The following ASIC2 variants were observed in gnomAD, a reference collection of about 807,000 sequenced individuals.
ASIC2 encodes the protein acid-sensing ion channel 2.
A neutral mutation model predicts 57.3 loss-of-function variants in ASIC2; 25 were observed. The ratio of observed to expected loss-of-function variants is 0.44; its 90% CI spans 0.32 to 0.61. ASIC2 has a LOEUF of 0.61. Among genes scored for constraint, ASIC2 ranks in the 20% least tolerant of loss-of-function variants. The probability of loss-of-function intolerance (pLI) is 0.06; values close to 1 mark genes in which losing one functional copy is unlikely to be tolerated. For missense variants in ASIC2, 641 were observed against 738.1 expected (o/e 0.87, Z 1.52); for synonymous variants, 319 against 307.5 (o/e 1.04, Z -0.39).
intron 1 of ASIC2, among the ~76,000 whole-genome samples, chr17:34,051,184 T>A (rs1471152420): frequency 6.6e-6 from 1 of 152,214 alleles, no homozygotes; most frequent in Non-Finnish European, 1.5e-5. Flanking sequence ...AACTAATCCC[T>A]TTCTCAAACA....
chr17:33,569,296 G>C (rs181304249), intron 1 of ASIC2: 2 of 152,282 alleles, frequency 1.3e-5, no homozygotes, highest in African/African-American at 4.8e-5. Flanking sequence ...GTCCCCTGTC[G>C]TGTAGCCTTC....
At chr17:33,704,436 C>T (rs1012197389) in intron 1 of ASIC2, among the ~76,000 whole-genome samples, 3 of 152,212 alleles carry the variant, frequency 2.0e-5, no homozygotes, top group Admixed American at 6.5e-5. Flanking sequence ...CTCCCTAGTG[C>T]CAGTCTTTGC....
In ASIC2 at chr17:34,076,432, C is replaced by G. The variant is rs557975022; in HGVS notation, c.555+79546G>C. On this transcript the variant is annotated intron_variant, in intron 1 of 9. Coordinates refer to the ASIC2 transcript ENST00000359872. ...CTCTCCCTTCACTCTACTGTTTTTC[C>G]TTTCTCCAAGCTCATATCACTTTCT... is the stretch of plus-strand genomic sequence containing the variant. Among the ~76,000 whole-genome samples, 5 of 152,228 alleles carry G rather than the reference C, an allele frequency of 3.3e-5. No homozygotes were observed. The South Asian group carries it at 1.0e-3, about 32-fold the overall frequency.
intron 1 of ASIC2, among the ~76,000 whole-genome samples, chr17:34,140,491 C>T (rs962857099): frequency 3.3e-5 from 5 of 152,048 alleles, no homozygotes; most frequent in African/African-American, 1.2e-4. Flanking sequence ...TTCTAAATAG[C>T]ATTTCCTGTT....
At chr17:33,087,578 T>TG (rs2092139524) in intron 3 of ASIC2, among the ~76,000 whole-genome samples, 1 of 139,492 alleles carries the variant, frequency 7.2e-6, no homozygotes, top group South Asian at 2.2e-4. Flanking sequence ...AACCAGTGTT[T>TG]TTTTTTTTTT....
At chr17:33,979,346 G>C (rs1014877378) in intron 1 of ASIC2, among the ~76,000 whole-genome samples, 1 of 152,090 alleles carries the variant, frequency 6.6e-6, no homozygotes, top group Non-Finnish European at 1.5e-5. Context: ...GAGTCTCCCT[G>C]GGGCAGTTGC....
At chr17:33,759,222 T>C (rs1048393263) in intron 1 of ASIC2, among the ~76,000 whole-genome samples, 9 of 152,208 alleles carry the variant, frequency 5.9e-5, no homozygotes, top group Non-Finnish European at 1.0e-4. Context: ...TTGTTGTAAA[T>C]TGGCAAAGAG....
intron 1 of ASIC2, among the ~76,000 whole-genome samples, chr17:33,675,408 C>T (rs546648961): frequency 6.6e-6 from 1 of 152,246 alleles, no homozygotes; most frequent in East Asian, 1.9e-4. Context: ...GCCCCGTGAT[C>T]AGCTCCACAC....
At chr17:33,915,910 G>A (rs568614318) in intron 1 of ASIC2, among the ~76,000 whole-genome samples, 20 of 152,288 alleles carry the variant, frequency 1.3e-4, no homozygotes, top group South Asian at 2.1e-4. Flanking sequence ...CTGAGGCCCC[G>A]TGGGGACACT....
intron 1 of ASIC2, among the ~76,000 whole-genome samples, chr17:33,455,909 G>A (rs1050486765): frequency 9.2e-5 from 14 of 152,172 alleles, no homozygotes; most frequent in African/African-American, 1.2e-4. Flanking sequence ...GCAGGAGGGG[G>A]CTTTACAGGC....
intron 1 of ASIC2, among the ~76,000 whole-genome samples, chr17:33,660,372 C>T (rs941213132): frequency 1.3e-5 from 2 of 152,038 alleles, no homozygotes; most frequent in African/African-American, 2.4e-5. Flanking sequence ...CTTGTAGTAG[C>T]ACTTAGCTTA....
intron 1 of ASIC2, among the ~76,000 whole-genome samples, chr17:33,739,015 G>A (rs978884240): frequency 1.3e-5 from 2 of 152,174 alleles, no homozygotes; most frequent in African/African-American, 2.4e-5. Flanking sequence ...CCATGTTTAA[G>A]GTAAGAATAA....
chr17:33,242,882 G>A (rs1458727984), intron 1 of ASIC2, among the ~76,000 whole-genome samples: 2 of 152,102 alleles, frequency 1.3e-5, no homozygotes, highest in African/African-American at 2.4e-5. Flanking sequence ...GATCTGGATC[G>A]AGAGGTGATT....
chr17:33,245,429 GC>G (rs1375584040), intron 1 of ASIC2, among the ~76,000 whole-genome samples: 1 of 152,158 alleles, frequency 6.6e-6, no homozygotes, highest in Non-Finnish European at 1.5e-5. Flanking sequence ...TGTTTGCTGA[GC>G]ATCCACTGAG....
At chr17:33,363,703 G>A (rs1908698505) in intron 1 of ASIC2, among the ~76,000 whole-genome samples, 1 of 152,232 alleles carries the variant, frequency 6.6e-6, no homozygotes, top group Non-Finnish European at 1.5e-5. Context: ...GGGAAATGAG[G>A]AGAATCCAGA....
intron 1 of ASIC2, among the ~76,000 whole-genome samples, chr17:33,553,983 C>T (rs758094825): frequency 1.3e-5 from 2 of 152,126 alleles, no homozygotes; most frequent in Non-Finnish European, 2.9e-5. Context: ...GAGTTCTCTT[C>T]CTAGGTGCAA....
At chr17:33,288,510 G>A (rs1478923508) in intron 1 of ASIC2, among the ~76,000 whole-genome samples, 1 of 152,084 alleles carries the variant, frequency 6.6e-6, no homozygotes, top group African/African-American at 2.4e-5. Context: ...TTAATCTGAG[G>A]ACAGCTGAAC....
At chr17:33,977,369 G>A (rs1444900638) in intron 1 of ASIC2, among the ~76,000 whole-genome samples, 2 of 152,186 alleles carry the variant, frequency 1.3e-5, no homozygotes, top group Admixed American at 1.3e-4. Flanking sequence ...CTGCATCGTG[G>A]CAGTGGTTCA....
chr17:33,993,226 C>A (rs1042118918), intron 1 of ASIC2, among the ~76,000 whole-genome samples: 3 of 152,304 alleles, frequency 2.0e-5, no homozygotes, highest in African/African-American at 7.2e-5. Flanking sequence ...TTGGTAGCTT[C>A]CCTGTAATTA....
Sources: allele counts gnomAD v4.1 joint callset (sites outside exome capture counted in the v4.1 genomes callset), GRCh38; gene constraint gnomAD v4.1.1; transcripts MANE v1.5; gene names NCBI Gene and HGNC (gene_info 2026-07-23, HGNC 2026-07-21).